The following MTMR6 variants were observed in gnomAD, a reference collection of about 807,000 sequenced individuals.
MTMR6 encodes phosphatidylinositol-3,5-bisphosphate 3-phosphatase MTMR6.
In MTMR6, 47 loss-of-function variants were observed where a neutral mutation model predicts 80.1. The ratio of observed to expected loss-of-function variants is 0.59; its 90% confidence interval spans 0.46 to 0.75. The LOEUF is 0.75. Among genes scored for constraint, MTMR6 ranks in the 30% least tolerant of loss-of-function variants. MTMR6 has a pLI of 0.00. For synonymous variants in MTMR6, 254 were observed against 253.0 expected, an observed-to-expected ratio of 1.00 and a Z score of -0.04; for missense variants, 629 against 730.9, an observed-to-expected ratio of 0.86 and a Z score of 1.61.
At chr13:25,276,458 G>T (rs1352039136) in intron 1 of MTMR6, among the ~76,000 whole-genome samples, 1 of 152,140 alleles carries the variant, frequency 6.6e-6, no homozygotes, top group Non-Finnish European at 1.5e-5. Context: ...GCTTTAAAAA[G>T]AAATCCATGT....
In MTMR6 at chr13:25,267,839, C is replaced by G. The variant is rs747495505; in HGVS notation, c.244G>C (p.Val82Leu). ...TCATGGCAATCTCTTTCTCTGGGAACAATGAAATGCACAGTTCTGAAGTTC... is the reference window on the plus strand; with the variant it reads ...TCATGGCAATCTCTTTCTCTGGGAAGAATGAAATGCACAGTTCTGAAGTTC... The part of the protein sequence containing the change: ...CKNFRTVHFI[V>L]PRERDCHDIY... The change falls in exon 3 of 14, where the codon GTT (valine) becomes CTT (leucine). Residue 82 changes from valine (V) to leucine (L), a missense_variant. Coordinates refer to ENST00000381801, the MANE Select transcript of MTMR6 (RefSeq NM_004685.5). 2.5e-6 allele frequency: 4 copies of G among 1,613,786 alleles called. No individual in the cohort carries two copies. In the Admixed American group the frequency reaches 6.7e-5, roughly 27 times the overall value.
Position 25,266,217 on chromosome 13 carries a change from C to T in MTMR6, c.374G>A (p.Trp125Ter). The T allele has an allele frequency of 6.2e-7, 1 of 1,613,902 alleles. No individual in the cohort carries two copies. The highest frequency in any genetic ancestry group is 8.5e-7 in the Non-Finnish European group (1 of 1,179,804). ...KQNDSERLQG[W>*]QLIDLAEEYK... ...TTCCTCAGCGAGATCAATGAGCTGCCAGCCTTGTAGTCGTTCTGAATCATT... is the reference window on the plus strand; with the variant it reads ...TTCCTCAGCGAGATCAATGAGCTGCTAGCCTTGTAGTCGTTCTGAATCATT... The change falls in exon 4 of 14, where the codon TGG becomes TAG. Residue 125 changes from tryptophan (W) to a stop codon, truncating the protein, a stop_gained. Transcript: ENST00000381801. LOFTEE classifies it high-confidence loss of function.
chr13:25,250,056 T>G (rs1448288282), intron 13 of MTMR6, among the ~76,000 whole-genome samples: 4 of 152,178 alleles, frequency 2.6e-5, no homozygotes, highest in Admixed American at 2.0e-4. Context: ...GTATTACCTA[T>G]TATCCTGGAC....
chr13:25,255,960 A>G (rs892615052), intron 9 of MTMR6, among the ~76,000 whole-genome samples: 4 of 152,174 alleles, frequency 2.6e-5, no homozygotes, highest in Admixed American at 1.3e-4. Flanking sequence ...CCTAGCCTCC[A>G]TTCCCACTCC....
intron 5 of MTMR6, among the ~76,000 whole-genome samples, chr13:25,264,606 T>C (rs1379161090): frequency 2.6e-5 from 4 of 151,462 alleles, no homozygotes; most frequent in Non-Finnish European, 5.9e-5. Context: ...AATACAAAAA[T>C]TGGCTGGGCA....
At chr13:25,256,835 TA>T (rs1363987346) in intron 9 of MTMR6, among the ~76,000 whole-genome samples, 3 of 152,196 alleles carry the variant, frequency 2.0e-5, no homozygotes, top group Admixed American at 6.5e-5. Flanking sequence ...ATTTGTTAGA[TA>T]AAAATGAGGG....
chr13:25,267,951 G>A lies in MTMR6; in HGVS notation c.142-10C>T. The A allele has an allele frequency of 6.4e-7, 1 of 1,569,850 alleles. No homozygotes were observed. The highest frequency in any genetic ancestry group is 1.9e-5 in the Admixed American group (1 of 52,592). On this transcript the variant is annotated splice_polypyrimidine_tract_variant and intron_variant, in intron 2 of 13. Transcript: ENST00000381801. Reference sequence around the variant, plus strand: ...TATGGTGGTGTAATATCTACAGCATGAAAAAACATCCAGGTCATCAACATG... The same window carrying A: ...TATGGTGGTGTAATATCTACAGCATAAAAAAACATCCAGGTCATCAACATG...
chr13:25,250,835 T>C (rs1390274775), intron 13 of MTMR6, among the ~76,000 whole-genome samples: 1 of 152,204 alleles, frequency 6.6e-6, no homozygotes, highest in Non-Finnish European at 1.5e-5. Context: ...TATTGGCCTA[T>C]ACATTGTCTG....
At position 25,266,290 on chromosome 13, in the gene MTMR6, C is replaced by A. The variant is rs750417253; in HGVS notation, c.305-4G>T. ...GCATAGAGATCTTCATATTTTGCTACAGAATACAAAATTTTAAATGTTAAG... is the reference window on the plus strand; with the variant it reads ...GCATAGAGATCTTCATATTTTGCTAAAGAATACAAAATTTTAAATGTTAAG... On this transcript the variant is annotated splice_region_variant and splice_polypyrimidine_tract_variant and intron_variant, in intron 3 of 13. Coordinates refer to ENST00000381801, the MANE Select transcript of MTMR6 (RefSeq NM_004685.5). The A allele has an allele frequency of 4.4e-6, 7 of 1,603,688 alleles. No individual in the cohort carries two copies. The highest frequency in any genetic ancestry group is 2.7e-5 in the African/African-American group (2 of 74,540).
At chr13:25,260,962 T>A (rs1183399479) in intron 6 of MTMR6, among the ~76,000 whole-genome samples, 1 of 152,128 alleles carries the variant, frequency 6.6e-6, no homozygotes, top group African/African-American at 2.4e-5. Context: ...AAATCCATTA[T>A]TTTAGCATAA....
At position 25,251,991 on chromosome 13, in the gene MTMR6, A is replaced by C; in HGVS notation, c.1347-7T>G. The C allele has an allele frequency of 3.7e-6, 6 of 1,606,576 alleles. No individual in the cohort carries two copies. Among genetic ancestry groups the C allele is most frequent in the Non-Finnish European group, 5.1e-6 (6 of 1,177,510 alleles). ...ATAAGTCTTCTCCTTCAACCTTAAT[A>C]TAATGAGAAAAACACAGAGATCTTT... is the stretch of plus-strand genomic sequence containing the variant. On this transcript the variant is annotated splice_region_variant and splice_polypyrimidine_tract_variant and intron_variant, in intron 11 of 13. Coordinates refer to ENST00000381801, the MANE Select transcript of MTMR6 (RefSeq NM_004685.5). The surrounding 1 kb of genome is among the most constrained non-coding windows in gnomAD (Gnocchi z 4.1).
chr13:25,273,699 G>C (rs531544904), intron 2 of MTMR6, among the ~76,000 whole-genome samples: 12 of 151,916 alleles, frequency 7.9e-5, no homozygotes, highest in African/African-American at 2.9e-4. Context: ...CTAATTTTTT[G>C]TATTTTTAGT....
At chr13:25,265,380 TA>T (rs1170192653) in intron 5 of MTMR6, among the ~76,000 whole-genome samples, 1 of 152,204 alleles carries the variant, frequency 6.6e-6, no homozygotes, top group Non-Finnish European at 1.5e-5. Flanking sequence ...AGTTTTGTTT[TA>T]AATTTGCAAA....
intron 6 of MTMR6, among the ~76,000 whole-genome samples, chr13:25,261,297 C>T (rs1434294145): frequency 1.2e-5 from 1 of 84,538 alleles, no homozygotes. Flanking sequence ...GAGTGCAACT[C>T]TGTCTTAAAA....
At chr13:25,267,144 A>C (rs1957474708) in intron 3 of MTMR6, among the ~76,000 whole-genome samples, 1 of 151,822 alleles carries the variant, frequency 6.6e-6, no homozygotes, top group Non-Finnish European at 1.5e-5. Context: ...GCTACTCAGG[A>C]AGCTGAGGCA....
At chr13:25,284,047 T>A (rs1056353679) in intron 1 of MTMR6, among the ~76,000 whole-genome samples, 8 of 152,218 alleles carry the variant, frequency 5.3e-5, no homozygotes, top group Admixed American at 3.3e-4. Context: ...GCTAAAATAC[T>A]TAATCTGATA....
intron 2 of MTMR6, among the ~76,000 whole-genome samples, chr13:25,273,670 C>T (rs1297733325): frequency 1.3e-5 from 2 of 151,962 alleles, no homozygotes; most frequent in Non-Finnish European, 2.9e-5. Context: ...GGATTACAGG[C>T]ACCCATCGCC....
intron 1 of MTMR6, 34 bp from the exon 2 acceptor site, chr13:25,274,221 A>G (rs1363166248): frequency 2.9e-6 from 4 of 1,391,182 alleles, no homozygotes; most frequent in Non-Finnish European, 3.0e-6. Flanking sequence ...TCTCATTTCA[A>G]AAGTAGTATA....
intron 5 of MTMR6, 89 bp downstream of exon 5, chr13:25,265,730 T>TC: frequency 1.6e-6 from 2 of 1,243,980 alleles, no homozygotes; most frequent in Non-Finnish European, 1.1e-6. Flanking sequence ...AGACCCTATC[T>TC]CAAAAAAAAA....
Sources: gnomAD v4.1 joint callset for allele counts (sites outside exome capture counted in the v4.1 genomes callset) on GRCh38, gnomAD v4.1.1 for gene constraint, Gnocchi (gnomAD v3.1) non-coding constraint, MANE v1.5 for transcripts, NCBI Gene and HGNC (gene_info 2026-07-23, HGNC 2026-07-21) for gene names.